Variants in PTK7 observed in about 807,000 individuals in gnomAD.
PTK7 encodes the protein inactive tyrosine-protein kinase 7.
Under a neutral mutation model 116.6 loss-of-function variants are expected in PTK7, and 39 were observed. The observed-to-expected ratio is 0.33, with a 90% CI of 0.26 to 0.44. The LOEUF (loss-of-function observed/expected upper bound fraction) is 0.44. PTK7 is among the 20% of genes least tolerant of loss of function. PTK7 has a pLI of 1.00. For missense variants in PTK7, 1,169 were observed against 1,425.6 expected (o/e 0.82, Z 2.90); for synonymous variants, 546 against 563.6 (o/e 0.97, Z 0.44).
intron 1 of PTK7, among the ~76,000 whole-genome samples, chr6:43,117,076 G>C (rs554489843): frequency 1.3e-5 from 2 of 152,038 alleles, no homozygotes; most frequent in Non-Finnish European, 2.9e-5. Context: ...TGCCCACTTC[G>C]GCCTCCCAAA....
In PTK7 at chr6:43,139,768, T is replaced by C. The variant is rs925296545; in HGVS notation, c.1618+243T>C. Among the ~76,000 whole-genome samples the C allele has an allele frequency of 6.6e-6, 1 of 152,246 alleles. No homozygotes were observed. Among genetic ancestry groups the C allele is most frequent in the African/African-American group, 2.4e-5 (1 of 41,468 alleles). On this transcript the variant is annotated intron_variant, in intron 10 of 19. Coordinates refer to ENST00000230419, the MANE Select transcript of PTK7 (RefSeq NM_002821.5). The surrounding 1 kb of genome is among the most constrained non-coding windows in gnomAD (Gnocchi z 4.6). ...GTGATTGGATTGGTTCAGACAGTGC[T>C]GTAAAGTCCTCTCTTCCCCTTTTCC...
chr6:43,147,905 A>G (rs1277911078), intron 17 of PTK7, among the ~76,000 whole-genome samples: 2 of 152,174 alleles, frequency 1.3e-5, no homozygotes, highest in Non-Finnish European at 2.9e-5. Context: ...AAGAGCTCAC[A>G]AATTAGGACA....
In PTK7 at chr6:43,119,684, G is replaced by C. The variant is rs149531718; in HGVS notation, c.80-9293G>C. On this transcript the variant is annotated intron_variant, in intron 1 of 19. Coordinates refer to ENST00000230419, the MANE Select transcript of PTK7 (RefSeq NM_002821.5). ...CAGAGGTCTTCCTGAGGCTGAGCTCGTGGCATATTTCCCAGTCTCCTGTTC... is the reference window on the plus strand; with the variant it reads ...CAGAGGTCTTCCTGAGGCTGAGCTCCTGGCATATTTCCCAGTCTCCTGTTC... Among the ~76,000 whole-genome samples the C allele has an allele frequency of 2.0e-5, 3 of 152,180 alleles. No individual in the cohort carries two copies. In the East Asian group the frequency reaches 5.8e-4, roughly 29 times the overall value.
At chr6:43,077,022 G>C (rs1453435907) in intron 1 of PTK7, 1 of 1,369,182 alleles carries the variant, frequency 7.3e-7, no homozygotes, top group African/African-American at 1.5e-5. Flanking sequence ...ATGCCGGACA[G>C]ACCTGCGGCG....
At chr6:43,116,180 T>G (rs568961394) in intron 1 of PTK7, among the ~76,000 whole-genome samples, 2 of 152,236 alleles carry the variant, frequency 1.3e-5, no homozygotes, top group African/African-American at 4.8e-5. Flanking sequence ...AAGGGTTGGT[T>G]TCCAGAAACA....
chr6:43,085,353 A>T (rs2150372296), intron 1 of PTK7, among the ~76,000 whole-genome samples: 1 of 151,864 alleles, frequency 6.6e-6, no homozygotes, highest in South Asian at 2.1e-4. Flanking sequence ...GGTTCGCGCC[A>T]TTCTCCTCCC....
At chr6:43,118,918 G>A (rs1277889613) in intron 1 of PTK7, among the ~76,000 whole-genome samples, 2 of 150,982 alleles carry the variant, frequency 1.3e-5, no homozygotes, top group African/African-American at 2.4e-5. Flanking sequence ...ACAGGTGGGC[G>A]CCACCACATT....
At chr6:43,094,129 G>T (rs1186059376) in intron 1 of PTK7, among the ~76,000 whole-genome samples, 2 of 152,240 alleles carry the variant, frequency 1.3e-5, no homozygotes, top group Non-Finnish European at 2.9e-5. Context: ...ATGATTGGCT[G>T]CAGACAGCCA....
chr6:43,118,653 CTCTCTCTATATATATATA>C (rs1453624851), intron 1 of PTK7, among the ~76,000 whole-genome samples: 715 of 79,350 alleles, frequency 9.0e-3, no homozygotes, highest in South Asian at 0.014. Context: ...CTCTCTCTCT[CTCTCTCTATATATATATA>C]TATATATATA....
rs368060054 is a variant in PTK7 at position 43,085,397 on chromosome 6, C to T, written c.79+8830C>T. 2.3e-4 allele frequency among the ~76,000 whole-genome samples: 35 copies of T among 152,080 alleles called. No individual in the cohort carries two copies. The East Asian group carries it at 2.3e-3, about 10-fold the overall frequency. On this transcript the variant is annotated intron_variant, in intron 1 of 19. Transcript: ENST00000230419. ...CCGAGTAGCTGGGATTATAGGTGCC[C>T]GCCACCATGCCCGGCTAATTTTTGT...
At chr6:43,113,099 C>T (rs776931262) in intron 1 of PTK7, among the ~76,000 whole-genome samples, 2 of 152,088 alleles carry the variant, frequency 1.3e-5, no homozygotes, top group African/African-American at 4.8e-5. Context: ...TTCTTTGATA[C>T]TCTTCAGAAC....
In PTK7 at chr6:43,129,173, G is replaced by C. The variant is rs1258363097; in HGVS notation, c.276G>C (p.Arg92=). ...GSSLSFAAVD[R]LQDSGTFQCV... is the part of the protein sequence containing the mutation. ...GCCTGAGCTTTGCAGCTGTGGACCGGCTGCAGGACTCTGGCACCTTCCAGT... is the reference window on the plus strand; with the variant it reads ...GCCTGAGCTTTGCAGCTGTGGACCGCCTGCAGGACTCTGGCACCTTCCAGT... The change falls in exon 2 of 20, where the codon CGG becomes CGC. Residue 92 remains arginine, a synonymous_variant. Transcript: ENST00000230419. This position sits in a 1 kb window ranked among gnomAD's most constrained non-coding sequence, Gnocchi z 4.5. 1 of 1,614,076 alleles carries C rather than the reference G, an allele frequency of 6.2e-7. No individual in the cohort carries two copies. The highest frequency in any genetic ancestry group is 1.3e-5 in the African/African-American group (1 of 74,944).
chr6:43,123,570 C>T (rs1208352559), intron 1 of PTK7, among the ~76,000 whole-genome samples: 1 of 142,518 alleles, frequency 7.0e-6, no homozygotes, highest in Non-Finnish European at 1.5e-5. Context: ...CAGAGAGCAA[C>T]ACGGAGGGTG....
chr6:43,092,722 TA>T (rs1468058506), intron 1 of PTK7, among the ~76,000 whole-genome samples: 1 of 152,234 alleles, frequency 6.6e-6, no homozygotes, highest in Non-Finnish European at 1.5e-5. Flanking sequence ...GAATGCTCAG[TA>T]AAAGTTGGCT....
rs1769556578 is a variant in PTK7, at chr6:43,129,973, C to T, written c.470+144C>T. 2 of 916,464 alleles carry T rather than the reference C, an allele frequency of 2.2e-6. No individual in the cohort carries two copies. Among genetic ancestry groups the T allele is most frequent in the Non-Finnish European group, 1.7e-6 (1 of 595,000 alleles). 56.8% of individuals were successfully genotyped at this position (916,464 alleles called of 1,614,324 possible). A position where few individuals can be genotyped will look rare whatever the true frequency, so the allele number is the denominator to read the frequency against. ...ACAGTGCTCTTCACCCTGCCCTCCCCCAGATATTGCCCTATGCCGGCCCCT... is the reference window on the plus strand; with the variant it reads ...ACAGTGCTCTTCACCCTGCCCTCCCTCAGATATTGCCCTATGCCGGCCCCT... On this transcript the variant is annotated intron_variant, in intron 3 of 19. Coordinates refer to ENST00000230419, the MANE Select transcript of PTK7 (RefSeq NM_002821.5). This position sits in a 1 kb window ranked among gnomAD's most constrained non-coding sequence, Gnocchi z 4.5.
Position 43,161,223 on chromosome 6 carries a change from C to T in PTK7, c.*342C>T, listed in dbSNP as rs1456710405. On this transcript the variant is annotated 3_prime_UTR_variant, in exon 20 of 20. Transcript: ENST00000230419. Reference sequence around the variant, plus strand: ...GGGTCCAACTCTGCCACTCATCTGCCAACTTTGCCTGGGGAGGGCTAGGCT... The same window carrying T: ...GGGTCCAACTCTGCCACTCATCTGCTAACTTTGCCTGGGGAGGGCTAGGCT... 1 of 248,974 alleles carries T rather than the reference C, an allele frequency of 4.0e-6. No individual in the cohort carries two copies. The allele number at this position is 248,974 out of a possible 1,614,324, so 15.4% of individuals were successfully genotyped here.
At position 43,076,513 on chromosome 6, in the gene PTK7, G is replaced by A. The variant is rs1766017150; in HGVS notation, c.25G>A (p.Ala9Thr). 6.4e-7 allele frequency: 1 copy of A among 1,573,556 alleles called. No individual in the cohort carries two copies. ...GATGGGAGCTGCGCGGGGATCCCCG[G>A]CCAGACCCCGCCGGTTGCCTCTGCT... MGAARGSP[A>T]RPRRLPLLSV... is the part of the protein sequence containing the mutation. Residue 9 changes from alanine (A) to threonine (T), a missense_variant, in exon 1 of 20, where the codon GCC (alanine) becomes ACC (threonine). By Grantham distance (58) the Ala-to-Thr change is moderately conservative (BLOSUM62 0). Around this residue, in one of 3 missense-constraint regions of PTK7, gnomAD observed 487 missense variants for 549.8 expected, o/e 0.89. Transcript: ENST00000230419. This position sits in a 1 kb window ranked among gnomAD's most constrained non-coding sequence, Gnocchi z 5.7.
At chr6:43,116,179 T>C (rs991585122) in intron 1 of PTK7, among the ~76,000 whole-genome samples, 1 of 152,086 alleles carries the variant, frequency 6.6e-6, no homozygotes, top group African/African-American at 2.4e-5. Context: ...GAAGGGTTGG[T>C]TTCCAGAAAC....
intron 17 of PTK7, among the ~76,000 whole-genome samples, chr6:43,154,433 G>C (rs1771301264): frequency 6.6e-6 from 1 of 152,054 alleles, no homozygotes; most frequent in South Asian, 2.1e-4. Flanking sequence ...AAAACTTTTT[G>C]ACTGGGCAAA....
Sources: allele counts gnomAD v4.1 joint callset (sites outside exome capture counted in the v4.1 genomes callset), GRCh38; gene constraint gnomAD v4.1.1; regional missense constraint gnomAD v4.1.1; non-coding constraint Gnocchi (gnomAD v3.1); transcripts MANE v1.5; gene names NCBI Gene and HGNC (gene_info 2026-07-23, HGNC 2026-07-21).